ZDHHC11B: variants seen among roughly 807,000 people sequenced by gnomAD.
The protein encoded by ZDHHC11B is probable palmitoyltransferase ZDHHC11B.
In ZDHHC11B, 17 loss-of-function variants were observed where a neutral mutation model predicts 42.3. The ratio of observed to expected loss-of-function variants is 0.40; its 90% CI spans 0.27 to 0.60. ZDHHC11B has a LOEUF of 0.60. ZDHHC11B is among the 20% of genes least tolerant of loss of function. ZDHHC11B has a pLI of 0.41. For missense variants in ZDHHC11B, 262 were observed against 463.2 expected (o/e 0.57, Z 3.99); for synonymous variants, 123 against 193.5 (o/e 0.64, Z 3.02).
At chr5:738,618 ATAGAG>A (rs1743789615) in intron 10 of ZDHHC11B, among the ~76,000 whole-genome samples, 1 of 85,830 alleles carries the variant, frequency 1.2e-5, no homozygotes, top group Non-Finnish European at 2.7e-5. Context: ...ATGGAACAGA[ATAGAG>A]AACCCATAAA....
intron 1 of ZDHHC11B, among the ~76,000 whole-genome samples, chr5:770,842 C>T (rs1327716734): frequency 2.0e-5 from 3 of 151,904 alleles, no homozygotes; most frequent in Non-Finnish European, 4.4e-5. Flanking sequence ...GTAAGGCGCC[C>T]GCCCCCAGAG....
chr5:778,787 GAC>G (rs1455108397), intron 1 of ZDHHC11B, among the ~76,000 whole-genome samples: 4 of 151,834 alleles, frequency 2.6e-5, no homozygotes, highest in African/African-American at 4.8e-5. Flanking sequence ...CAGAAGAGAA[GAC>G]ACAGAGAGAA....
At chr5:719,884 G>C (rs1280232550) in intron 12 of ZDHHC11B, among the ~76,000 whole-genome samples, 5 of 151,730 alleles carry the variant, frequency 3.3e-5, no homozygotes, top group Non-Finnish European at 7.4e-5. Context: ...GTGTAGTTCT[G>C]AGTAGCATGA....
intron 1 of ZDHHC11B, among the ~76,000 whole-genome samples, chr5:777,008 C>G (rs1172822301): frequency 6.6e-6 from 1 of 151,868 alleles, no homozygotes; most frequent in Admixed American, 6.6e-5. Flanking sequence ...CGTGCCTTTC[C>G]CCCTGCAGCA....
At chr5:717,651 G>T (rs1398886194) in intron 12 of ZDHHC11B, among the ~76,000 whole-genome samples, 9 of 151,868 alleles carry the variant, frequency 5.9e-5, no homozygotes, top group South Asian at 2.1e-4. Flanking sequence ...AGTAAGGACA[G>T]GACATCAAAG....
At chr5:720,172 C>A (rs1742077124) in intron 12 of ZDHHC11B, among the ~76,000 whole-genome samples, 1 of 151,748 alleles carries the variant, frequency 6.6e-6, no homozygotes, top group Non-Finnish European at 1.5e-5. Context: ...CCAAGGAGCT[C>A]AACGAATTCC....
intron 10 of ZDHHC11B, among the ~76,000 whole-genome samples, chr5:737,744 C>T (rs1743701470): frequency 6.7e-6 from 1 of 149,352 alleles, no homozygotes; most frequent in African/African-American, 2.5e-5. Flanking sequence ...ATCTGACAAA[C>T]TCTGCCATCC....
chr5:743,432 A>C (rs445300), intron 9 of ZDHHC11B, among the ~76,000 whole-genome samples: 92,696 of 140,992 alleles, frequency 0.66, 29,266 homozygotes, highest in Middle Eastern at 0.77. Context: ...ACCACCTTGT[A>C]ATTTCTGCTA....
chr5:761,704 C>T (rs1734636680), intron 4 of ZDHHC11B, among the ~76,000 whole-genome samples: 1 of 151,852 alleles, frequency 6.6e-6, no homozygotes, highest in African/African-American at 2.4e-5. Context: ...CCATGGAACC[C>T]CCACTCTGGT....
At chr5:783,818 A>T (rs1442527094) in intron 1 of ZDHHC11B, among the ~76,000 whole-genome samples, 1 of 88,112 alleles carries the variant, frequency 1.1e-5, no homozygotes, top group Non-Finnish European at 1.9e-5. Context: ...AAACCCCATC[A>T]AAACAGCAGC....
chr5:756,510 T>A (rs1227486892), intron 4 of ZDHHC11B, among the ~76,000 whole-genome samples: 1 of 151,368 alleles, frequency 6.6e-6, no homozygotes, highest in Admixed American at 6.6e-5. Flanking sequence ...CCCCTTTTGG[T>A]TCATCCCTGT....
intron 4 of ZDHHC11B, among the ~76,000 whole-genome samples, chr5:759,580 C>T (rs7710468): frequency 0.29 from 42,658 of 145,304 alleles, 3,964 homozygotes; most frequent in Middle Eastern, 0.35. Flanking sequence ...GCCCTACAGA[C>T]GCTGTGGTGG....
chr5:766,756 G>A lies in ZDHHC11B; in HGVS notation c.164C>T (p.Ala55Val), dbSNP rs1451650836. 6.2e-7 allele frequency: 1 copy of A among 1,612,232 alleles called. No homozygotes were observed. Among genetic ancestry groups the A allele is most frequent in the African/African-American group, 1.3e-5 (1 of 74,772 alleles). The stretch of plus-strand genomic sequence containing the variant: ...GAGGGGAATGAAGATCCTGAAGGTG[G>A]CCAAGGAAAGGCCAACGAAGACAGC... The part of the protein sequence containing the change: ...TWAVFVGLSL[A>V]TFRIFIPLLP... Residue 55 changes from alanine to valine, a missense_variant, in exon 4 of 14, where the codon GCC becomes GTC. Ala to Val is a moderately conservative substitution (Grantham distance 64, BLOSUM62 0). Around this residue, in one of 5 missense-constraint regions of ZDHHC11B, gnomAD observed 97 missense variants for 98.1 expected, o/e 0.99. Transcript: ENST00000508859.
At chr5:745,988 AC>A (rs201937586) in intron 8 of ZDHHC11B, among the ~76,000 whole-genome samples, 12,121 of 147,336 alleles carry the variant, frequency 0.082, 605 homozygotes, top group African/African-American at 0.24. Flanking sequence ...TGCCCACAGG[AC>A]AGCTCAGCAG....
chr5:716,750 G>A lies in ZDHHC11B; in HGVS notation c.*7+51C>T, dbSNP rs1431291020. The A allele has an allele frequency of 6.8e-5, 110 of 1,609,298 alleles. 1 individual carries two copies. The highest frequency in any genetic ancestry group is 9.2e-5 in the Non-Finnish European group (108 of 1,176,598). On this transcript the variant is annotated intron_variant, in intron 13 of 13. Coordinates refer to ENST00000508859, the MANE Select transcript of ZDHHC11B (RefSeq NM_001351303.2). ...TAAAGAAGATATTTCACTCTCTAGA[G>A]AACCAAACTTGGGTAGATTTCAACA... is the stretch of plus-strand genomic sequence containing the variant.
intron 4 of ZDHHC11B, among the ~76,000 whole-genome samples, chr5:764,944 T>A (rs436554): frequency 2.4e-5 from 1 of 42,538 alleles, no homozygotes; most frequent in African/African-American, 7.7e-5. Context: ...ATCTAGCTAA[T>A]CTGGTGGGGA....
At chr5:716,195 G>C (rs1393951476) in intron 13 of ZDHHC11B, among the ~76,000 whole-genome samples, 1 of 151,138 alleles carries the variant, frequency 6.6e-6, no homozygotes, top group African/African-American at 2.4e-5. Flanking sequence ...TGGAGGGAGA[G>C]CATGCCCCTC....
At chr5:778,790 A>C (rs2150247571) in intron 1 of ZDHHC11B, among the ~76,000 whole-genome samples, 1 of 151,968 alleles carries the variant, frequency 6.6e-6, no homozygotes, top group African/African-American at 2.4e-5. Context: ...AAGAGAAGAC[A>C]CAGAGAGAAG....
intron 4 of ZDHHC11B, among the ~76,000 whole-genome samples, chr5:762,833 A>C (rs1332687336): frequency 6.6e-6 from 1 of 151,784 alleles, no homozygotes. Flanking sequence ...ATAGAATAAA[A>C]ACAGGCAAAC....
Sources: gnomAD v4.1 joint callset for allele counts (sites outside exome capture counted in the v4.1 genomes callset) on GRCh38, gnomAD v4.1.1 for gene constraint, gnomAD v4.1.1 regional missense constraint, MANE v1.5 for transcripts, NCBI Gene and HGNC (gene_info 2026-07-23, HGNC 2026-07-21) for gene names.